Variants in DNA2 observed in about 807,000 individuals in gnomAD.
DNA2 encodes DNA replication helicase/nuclease 2.
In DNA2, 101 loss-of-function variants were observed where a neutral mutation model predicts 119.1. The ratio of observed to expected loss-of-function variants is 0.85; its 90% confidence interval spans 0.72 to 1.00. The LOEUF is 1.00. Among genes scored for constraint, DNA2 ranks in the 50% least tolerant of loss-of-function variants. The pLI, the probability that DNA2 is intolerant of heterozygous loss-of-function variation, is 0.00. For synonymous variants in DNA2, 366 were observed against 424.4 expected, an observed-to-expected ratio of 0.86 and a Z score of 1.69; for missense variants, 1,121 against 1,255.5, an observed-to-expected ratio of 0.89 and a Z score of 1.62.
In DNA2 at chr10:68,414,537, C is replaced by G. The variant is rs2051564321; in HGVS notation, c.*502G>C. On this transcript the variant is annotated 3_prime_UTR_variant, in exon 21 of 21. Transcript: ENST00000358410. ...ATAGTAAGGGAGGATAGAAAATTAA[C>G]AGGAAGTAATCAATTCATGTCATAA... The G allele has an allele frequency of 6.6e-6, 1 of 152,062 alleles. No homozygotes were observed. The highest frequency in any genetic ancestry group is 1.5e-5 in the Non-Finnish European group (1 of 68,036). 9.4% of individuals were successfully genotyped at this position (152,062 alleles called of 1,614,324 possible).
rs150251397 is a variant in DNA2, at chr10:68,450,325, TAC to T, written c.720-80_720-79del. 920 of 1,100,152 alleles carry T rather than the reference TAC, an allele frequency of 8.4e-4. 9 individuals are homozygous for T. In the African/African-American group the frequency reaches 0.013, roughly 16 times the overall value. The allele number at this position is 1,100,152 out of a possible 1,614,324, so 68.1% of individuals were successfully genotyped here. On this transcript the variant is annotated intron_variant, in intron 5 of 20. Coordinates refer to ENST00000358410, the MANE Select transcript of DNA2 (RefSeq NM_001080449.3). ...ACATCTGCTGGCTCTGACTGCCTATTACACACAGAGAATGTGGGGAGGGGAAA... is the reference window on the plus strand; with the variant it reads ...ACATCTGCTGGCTCTGACTGCCTATTACACAGAGAATGTGGGGAGGGGAAA...
At chr10:68,465,864 T>C in intron 3 of DNA2, 52 bp from the exon 4 acceptor site, 5 of 1,375,976 alleles carry the variant, frequency 3.6e-6, no homozygotes, top group Non-Finnish European at 4.8e-6. Flanking sequence ...CAGACACAAT[T>C]GTATATTTAT....
chr10:68,433,972 C>A (rs2051854628), intron 10 of DNA2, among the ~76,000 whole-genome samples: 1 of 152,176 alleles, frequency 6.6e-6, no homozygotes, highest in Admixed American at 6.5e-5. Context: ...TCAGAATTAG[C>A]TCTTCGAAAA....
At chr10:68,454,296 A>G (rs10998185) in intron 5 of DNA2, among the ~76,000 whole-genome samples, 6,895 of 151,930 alleles carry the variant, frequency 0.045, 407 homozygotes, top group South Asian at 0.18. Context: ...TGCAGAATTT[A>G]TTAACCCAGG....
At chr10:68,471,726 G>A in intron 1 of DNA2, 65 bp downstream of exon 1, 1 of 1,484,814 alleles carries the variant, frequency 6.7e-7, no homozygotes, top group Non-Finnish European at 8.9e-7. Flanking sequence ...TGCGGACGCA[G>A]CCTCTCCCGC....
chr10:68,464,858 A>AAAC (rs2052307803), intron 4 of DNA2, among the ~76,000 whole-genome samples: 1 of 133,394 alleles, frequency 7.5e-6, no homozygotes, highest in Non-Finnish European at 1.6e-5. Flanking sequence ...AAAAAAAAAA[A>AAAC]CTGGTAAGGC....
intron 6 of DNA2, among the ~76,000 whole-genome samples, chr10:68,447,235 C>T (rs2052051632): frequency 1.3e-5 from 2 of 151,836 alleles, no homozygotes; most frequent in Admixed American, 6.6e-5. Context: ...TACCCGGGCA[C>T]GGCTGGGCGT....
intron 6 of DNA2, 134 bp from the exon 7 acceptor site, chr10:68,446,547 A>T: frequency 1.6e-6 from 1 of 631,364 alleles, no homozygotes; most frequent in Non-Finnish European, 2.7e-6. Context: ...AACATGAGCC[A>T]AATTGGTAAA....
intron 9 of DNA2, among the ~76,000 whole-genome samples, chr10:68,442,548 A>G (rs10823197): frequency 0.3 from 45,756 of 151,808 alleles, 8,206 homozygotes; most frequent in African/African-American, 0.49. Context: ...CACCACGCCC[A>G]GCTAATTTTT....
intron 4 of DNA2, among the ~76,000 whole-genome samples, chr10:68,464,509 C>T (rs1012474611): frequency 7.3e-5 from 11 of 151,152 alleles, no homozygotes; most frequent in African/African-American, 2.2e-4. Context: ...AGCAAGACTC[C>T]GTCTCGAAAA....
intron 19 of DNA2, among the ~76,000 whole-genome samples, chr10:68,418,543 C>T (rs1180323494): frequency 6.6e-6 from 1 of 151,780 alleles, no homozygotes; most frequent in Admixed American, 6.6e-5. Context: ...TAGACATGTG[C>T]CATGGCGGTT....
intron 4 of DNA2, among the ~76,000 whole-genome samples, chr10:68,464,845 A>G (rs2052307238): frequency 6.7e-6 from 1 of 149,894 alleles, no homozygotes; most frequent in African/African-American, 2.4e-5. Flanking sequence ...AAAAAAAAAA[A>G]AAAAAAAAAA....
intron 19 of DNA2, among the ~76,000 whole-genome samples, chr10:68,417,239 C>CAA (rs34123746): frequency 1.4e-4 from 16 of 110,384 alleles, no homozygotes; most frequent in Non-Finnish European, 1.9e-4. Flanking sequence ...CCTAGCCTCT[C>CAA]AAAAAAAAAA....
At chr10:68,420,995 G>A (rs553651197) in intron 17 of DNA2, among the ~76,000 whole-genome samples, 19 of 151,560 alleles carry the variant, frequency 1.3e-4, no homozygotes, top group African/African-American at 4.4e-4. Flanking sequence ...TTGGAGTGCA[G>A]TGGCGCGATC....
chr10:68,462,786 G>A (rs968648504), intron 4 of DNA2, among the ~76,000 whole-genome samples: 19 of 152,148 alleles, frequency 1.2e-4, no homozygotes, highest in African/African-American at 4.6e-4. Context: ...GTCAGTCTGA[G>A]GATTAAATAG....
intron 6 of DNA2, among the ~76,000 whole-genome samples, chr10:68,449,248 T>C (rs991401356): frequency 2.0e-5 from 3 of 152,230 alleles, no homozygotes; most frequent in African/African-American, 4.8e-5. Context: ...CTTTCTTCTA[T>C]TGACATAATG....
intron 4 of DNA2, among the ~76,000 whole-genome samples, chr10:68,463,093 C>T (rs1029325598): frequency 2.6e-5 from 4 of 151,242 alleles, no homozygotes; most frequent in African/African-American, 7.3e-5. Flanking sequence ...GATCACGGTG[C>T]TGTACTCCAG....
At position 68,422,416 on chromosome 10, in the gene DNA2, A is replaced by T. The variant is rs1463607091; in HGVS notation, c.2506T>A (p.Leu836Ile). The change falls in exon 17 of 21, where the codon TTA (leucine) becomes ATA (isoleucine). Residue 836 changes from leucine to isoleucine, a missense_variant. By Grantham distance (5) the Leu-to-Ile change is conservative. Coordinates refer to ENST00000358410, the MANE Select transcript of DNA2 (RefSeq NM_001080449.3). The part of the protein sequence containing the change: ...QYRMNSKIMS[L>I]SNKLTYEGKL... Reference sequence around the variant, plus strand: ...CCCTCATAGGTCAGCTTATTACTTAAGGACATAATTTTACTAAGGGAATTA... The same window carrying T: ...CCCTCATAGGTCAGCTTATTACTTATGGACATAATTTTACTAAGGGAATTA... The T allele has an allele frequency of 1.2e-6, 2 of 1,613,454 alleles. No individual in the cohort carries two copies.
chr10:68,465,466 T>C (rs889193443), intron 4 of DNA2, among the ~76,000 whole-genome samples: 7 of 152,198 alleles, frequency 4.6e-5, no homozygotes, highest in African/African-American at 1.7e-4. Context: ...GTACAAAATA[T>C]TTAGGTATTT....
Sources: gnomAD v4.1 joint callset for allele counts (sites outside exome capture counted in the v4.1 genomes callset) on GRCh38, gnomAD v4.1.1 for gene constraint, MANE v1.5 for transcripts, NCBI Gene and HGNC (gene_info 2026-07-23, HGNC 2026-07-21) for gene names.